The following TAF1C variants were observed in gnomAD, a reference collection of about 807,000 sequenced individuals.
The protein encoded by TAF1C is TATA box-binding protein-associated factor RNA polymerase I subunit C.
In TAF1C, 79 loss-of-function variants were observed where a neutral mutation model predicts 70.5. The observed-to-expected ratio is 1.12, with a 90% CI of 0.93 to 1.35. The LOEUF is 1.35. TAF1C is among the 40% of genes most tolerant of loss of function. TAF1C has a pLI of 0.00. For synonymous variants in TAF1C, 614 were observed against 491.1 expected (o/e 1.25, Z -3.31); for missense variants, 1,412 against 1,127.8 (o/e 1.25, Z -3.61).
chr16:84,182,481 T>G lies in TAF1C; in HGVS notation c.483-41A>C, dbSNP rs577594674. On this transcript the variant is annotated intron_variant, in intron 6 of 14. Transcript: ENST00000566732. This position sits in a 1 kb window ranked among gnomAD's most constrained non-coding sequence, Gnocchi z 5.0. ...CAGCAGGAGGATCACTCGGTGGCAC[T>G]CAGGGGAGGACAGGTCCCATCCCAA... is the stretch of plus-strand genomic sequence containing the variant. 21 of 1,561,262 alleles carry G rather than the reference T, an allele frequency of 1.3e-5. No individual in the cohort carries two copies. In the South Asian group the frequency reaches 2.3e-4, roughly 17 times the overall value.
chr16:84,183,830 G>C, intron 2 of TAF1C, 52 bp from the exon 3 acceptor site: 2 of 1,413,678 alleles, frequency 1.4e-6, no homozygotes, highest in Non-Finnish European at 2.0e-6. Context: ...CCCTCCCTGG[G>C]CCAGGCTGTG....
Position 84,179,094 on chromosome 16 carries a change from C to T in TAF1C, c.2379G>A (p.Met793Ile). The change falls in exon 15 of 15, where the codon ATG (methionine) becomes ATA (isoleucine). Residue 793 changes from methionine (M) to isoleucine (I), a missense_variant. Met to Ile is a conservative substitution (Grantham distance 10). Transcript: ENST00000566732. ...SEQRQMLRDY[M>I]AKLPPQRDTP... ...TGTCCCTCTGGGGTGGTAGCTTGGC[C>T]ATGTAGTCACGGAGCATCTGCCGCT... 6.2e-7 allele frequency: 1 copy of T among 1,609,920 alleles called. No individual in the cohort carries two copies. The highest frequency in any genetic ancestry group is 1.7e-4 in the Middle Eastern group (1 of 6,054).
chr16:84,184,746 G>T, intron 2 of TAF1C, 105 bp downstream of exon 2: 1 of 1,395,060 alleles, frequency 7.2e-7, no homozygotes, highest in Non-Finnish European at 9.6e-7. Context: ...AGACTCGTGT[G>T]AATGCCACCA....
intron 1 of TAF1C, among the ~76,000 whole-genome samples, chr16:84,186,680 C>T (rs1597583254): frequency 6.6e-6 from 1 of 152,276 alleles, no homozygotes; most frequent in Admixed American, 6.5e-5. Flanking sequence ...GCCTCGACTT[C>T]CCCGGCCGGC....
chr16:84,179,749 G>A lies in TAF1C; in HGVS notation c.1724C>T (p.Pro575Leu), dbSNP rs768803588. 1 of 1,610,410 alleles carries A rather than the reference G, an allele frequency of 6.2e-7. No homozygotes were observed. ...AGDVFYQQLR[P>L]QVDSSLRRDA... ...TCTGCGGAGGCTGGAGTCCACCTGG[G>A]GGCGGAGCTGCTGGTAGAAGACATC... is the stretch of plus-strand genomic sequence containing the variant. The change falls in exon 15 of 15, where the codon CCC (proline) becomes CTC (leucine). Residue 575 changes from proline (P) to leucine (L), a missense_variant. Transcript: ENST00000566732.
rs922615516 is a variant in TAF1C at position 84,179,473 on chromosome 16, A to G, written c.2000T>C (p.Leu667Pro). The change falls in exon 15 of 15, where the codon CTG (leucine) becomes CCG (proline). Residue 667 changes from leucine to proline, a missense_variant. Transcript: ENST00000566732. ...AGGGAGGGAGCCCAGGTCTCTCTGCAGCAGGAGCTGCCCTCGGGCCATGGC... is the reference window on the plus strand; with the variant it reads ...AGGGAGGGAGCCCAGGTCTCTCTGCGGCAGGAGCTGCCCTCGGGCCATGGC... ...RKAMARGQLL[L>P]QRDLGSLPAA... The G allele has an allele frequency of 6.3e-6, 10 of 1,598,232 alleles. No homozygotes were observed. Among genetic ancestry groups the G allele is most frequent in the Non-Finnish European group, 8.5e-6 (10 of 1,176,176 alleles).
Position 84,184,899 on chromosome 16 carries a change from G to C in TAF1C, c.90C>G (p.Ser30Arg), listed in dbSNP as rs2089398498. The C allele has an allele frequency of 6.2e-7, 1 of 1,613,034 alleles. No individual in the cohort carries two copies. The highest frequency in any genetic ancestry group is 1.7e-5 in the Admixed American group (1 of 59,850). ...CTGGCAGAGTCAGTGCGTCTCGCCA[G>C]CTGCACATGAAAGAGAGGTCAGGGA... ...SDVPDLSFMC[S>R]WRDALTLPEA... Residue 30 changes from serine (S) to arginine (R), a missense_variant, in exon 2 of 15, where the codon AGC becomes AGG. Transcript: ENST00000566732.
In TAF1C at chr16:84,181,469, G is replaced by A; in HGVS notation, c.1029-6C>T. 1 of 1,613,750 alleles carries A rather than the reference G, an allele frequency of 6.2e-7. No homozygotes were observed. The highest frequency in any genetic ancestry group is 8.5e-7 in the Non-Finnish European group (1 of 1,179,960). Reference sequence around the variant, plus strand: ...CCCTGTAGATTTGCCGCAGCCTTGGGGAGACAGGCAAGCCGTGGGCAGGGG... The same window carrying A: ...CCCTGTAGATTTGCCGCAGCCTTGGAGAGACAGGCAAGCCGTGGGCAGGGG... On this transcript the variant is annotated splice_region_variant and splice_polypyrimidine_tract_variant and intron_variant, in intron 10 of 14. Transcript: ENST00000566732.
At chr16:84,180,954 GC>G (rs1470709900) in intron 12 of TAF1C, 88 bp downstream of exon 12, 5 of 1,478,532 alleles carry the variant, frequency 3.4e-6, no homozygotes, top group Non-Finnish European at 4.5e-6. Context: ...GGTTGTCTGG[GC>G]CCAGCAGAGC....
rs1228894668 is a variant in TAF1C at position 84,182,784 on chromosome 16, T to G, written c.482+292A>C. ...CTTGCTGCTACCTAGAGACAGCCTG[T>G]CTAGGGAACTGTGCAGGGAGAGGCA... On this transcript the variant is annotated intron_variant, in intron 6 of 14. Coordinates refer to ENST00000566732, the MANE Select transcript of TAF1C (RefSeq NM_001243156.2). This position sits in a 1 kb window ranked among gnomAD's most constrained non-coding sequence, Gnocchi z 5.0. Among the ~76,000 whole-genome samples, 1 of 151,908 alleles carries G rather than the reference T, an allele frequency of 6.6e-6. No homozygotes were observed. The highest frequency in any genetic ancestry group is 1.5e-5 in the Non-Finnish European group (1 of 67,896).
Position 84,179,531 on chromosome 16 carries a change from C to A in TAF1C, c.1942G>T (p.Glu648Ter). Residue 648 changes from glutamate to a stop codon, truncating the protein, a stop_gained, in exon 15 of 15, where the codon GAG becomes TAG. Coordinates refer to ENST00000566732, the MANE Select transcript of TAF1C (RefSeq NM_001243156.2). LOFTEE classifies it low-confidence loss of function (END_TRUNC). ...AGCACACCCAGCCGCTGCCCTTCCT[C>A]TTCCTCCCTCCGCAGCTCTGTGCTG... ...LGSTELRREE[E>*]EGQRLGVLRK... 2 of 1,607,356 alleles carry A rather than the reference C, an allele frequency of 1.2e-6. No individual in the cohort carries two copies. Among genetic ancestry groups the A allele is most frequent in the South Asian group, 2.2e-5 (2 of 91,016 alleles).
In TAF1C at chr16:84,181,353, G is replaced by A. The variant is rs760506771; in HGVS notation, c.1139C>T (p.Thr380Ile). ...HPRVLTVGDRTGVKMLDTQGP... is the reference protein window; with the variant it reads ...HPRVLTVGDRIGVKMLDTQGP... Reference sequence around the variant, plus strand: ...CTGAGTGTCCAGCATCTTCACTCCGGTGCGGTCACCCACGGTCAGCACCCG... The same window carrying A: ...CTGAGTGTCCAGCATCTTCACTCCGATGCGGTCACCCACGGTCAGCACCCG... The change falls in exon 11 of 15, where the codon ACC becomes ATC. Residue 380 changes from threonine (T) to isoleucine (I), a missense_variant. Thr to Ile is a moderately conservative substitution (Grantham distance 89). Transcript: ENST00000566732. 3 of 1,613,650 alleles carry A rather than the reference G, an allele frequency of 1.9e-6. No individual in the cohort carries two copies. The highest frequency in any genetic ancestry group is 2.5e-6 in the Non-Finnish European group (3 of 1,179,986).
In TAF1C at chr16:84,182,971, G is replaced by C. The variant is rs573290846; in HGVS notation, c.482+105C>G. 1.3e-5 allele frequency: 15 copies of C among 1,127,180 alleles called. No homozygotes were observed. The highest frequency in any genetic ancestry group is 7.6e-5 in the African/African-American group (5 of 65,784). The allele number at this position is 1,127,180 out of a possible 1,614,324, so 69.8% of individuals were successfully genotyped here. The stretch of plus-strand genomic sequence containing the variant: ...GTACAGCTCAGACTGCATGGAGCAG[G>C]GGGGAAGTGGGTATGACGGAAAGCT... On this transcript the variant is annotated intron_variant, in intron 6 of 14. Coordinates refer to ENST00000566732, the MANE Select transcript of TAF1C (RefSeq NM_001243156.2). The surrounding 1 kb of genome is among the most constrained non-coding windows in gnomAD (Gnocchi z 5.0).
intron 2 of TAF1C, 141 bp downstream of exon 2, chr16:84,184,710 G>T: frequency 9.2e-7 from 1 of 1,086,490 alleles, no homozygotes; most frequent in Non-Finnish European, 1.3e-6. Context: ...GTACCCCAGA[G>T]GAGGTGGCAG....
At position 84,184,921 on chromosome 16, in the gene TAF1C, G is replaced by C. The variant is rs775505007; in HGVS notation, c.68C>G (p.Pro23Arg). ...LTGPLGLSDV[P>R]DLSFMCSWRD... Reference sequence around the variant, plus strand: ...CCAGCTGCACATGAAAGAGAGGTCAGGGACGTCGCTCAGACCAAGGGGGCC... The same window carrying C: ...CCAGCTGCACATGAAAGAGAGGTCACGGACGTCGCTCAGACCAAGGGGGCC... The change falls in exon 2 of 15, where the codon CCT (proline) becomes CGT (arginine). Residue 23 changes from proline (P) to arginine (R), a missense_variant. Coordinates refer to ENST00000566732, the MANE Select transcript of TAF1C (RefSeq NM_001243156.2). 2.5e-6 allele frequency: 4 copies of C among 1,613,716 alleles called. No homozygotes were observed. The highest frequency in any genetic ancestry group is 3.4e-6 in the Non-Finnish European group (4 of 1,179,878).
chr16:84,179,265 G>C lies in TAF1C; in HGVS notation c.2208C>G (p.Leu736=), dbSNP rs762521073. ...RRTQLSSSFS[L]SGHVDPSEDT... Reference sequence around the variant, plus strand: ...CCTCTGAGGGATCCACATGGCCACTGAGCGAAAAGCTGCTGGACAGCTGGG... The same window carrying C: ...CCTCTGAGGGATCCACATGGCCACTCAGCGAAAAGCTGCTGGACAGCTGGG... Residue 736 remains leucine, a synonymous_variant, in exon 15 of 15, where the codon CTC becomes CTG. Transcript: ENST00000566732. The C allele has an allele frequency of 1.9e-6, 3 of 1,586,178 alleles. No homozygotes were observed. Among genetic ancestry groups the C allele is most frequent in the Non-Finnish European group, 2.6e-6 (3 of 1,172,334 alleles).
rs1297862107 is a variant in TAF1C at position 84,182,401 on chromosome 16, G to A, written c.522C>T (p.Phe174=). ...CCAGGATGGGGCCCCCGAGGATAGA[G>A]AAGCGGCGCTGTCGGTTGCTGAGGT... ...WAYLSNRQRR[F]SILGGPILGT... is the part of the protein sequence containing the mutation. The change falls in exon 7 of 15, where the codon TTC becomes TTT. Residue 174 remains phenylalanine, a synonymous_variant. Coordinates refer to ENST00000566732, the MANE Select transcript of TAF1C (RefSeq NM_001243156.2). The surrounding 1 kb of genome is among the most constrained non-coding windows in gnomAD (Gnocchi z 5.0). 6.2e-7 allele frequency: 1 copy of A among 1,605,940 alleles called. No individual in the cohort carries two copies. The highest frequency in any genetic ancestry group is 1.3e-5 in the African/African-American group (1 of 74,802).
chr16:84,181,885 C>T (rs1381278527), intron 8 of TAF1C, 22 bp from the exon 9 acceptor site: 1 of 1,614,102 alleles, frequency 6.2e-7, no homozygotes, highest in African/African-American at 1.3e-5. Flanking sequence ...TGGAAAGGGC[C>T]AGGGGTCAGG....
Position 84,179,179 on chromosome 16 carries a change from G to T in TAF1C, c.2294C>A (p.Thr765Lys), listed in dbSNP as rs4150175. 1.9e-6 allele frequency: 3 copies of T among 1,594,158 alleles called. No homozygotes were observed. Among genetic ancestry groups the T allele is most frequent in the African/African-American group, 2.7e-5 (2 of 74,894 alleles). Residue 765 changes from threonine to lysine, a missense_variant, in exon 15 of 15, where the codon ACG becomes AAG. By Grantham distance (78) the Thr-to-Lys change is moderately conservative. Transcript: ENST00000566732. Reference sequence around the variant, plus strand: ...AGTCAACTCCTGGGAGGGCGGGGTCGTGGGGGGCAGGGGCAGAGCATCAGC... The same window carrying T: ...AGTCAACTCCTGGGAGGGCGGGGTCTTGGGGGGCAGGGGCAGAGCATCAGC... ...PPADALPLPP[T>K]TPPSQELTPD...
Sources: gnomAD v4.1 joint callset for allele counts (sites outside exome capture counted in the v4.1 genomes callset) on GRCh38, gnomAD v4.1.1 for gene constraint, Gnocchi (gnomAD v3.1) non-coding constraint, MANE v1.5 for transcripts, NCBI Gene and HGNC (gene_info 2026-07-23, HGNC 2026-07-21) for gene names.